Variants in MMP20 observed in about 807,000 individuals in gnomAD.
MMP20 encodes the protein matrix metalloproteinase-20.
In MMP20, 50 loss-of-function variants were observed where a neutral mutation model predicts 51.8. That is an observed-to-expected ratio of 0.97 (90% CI 0.77 to 1.22). MMP20 has a LOEUF of 1.22. Ranked by LOEUF, MMP20 falls within the 50% of genes most tolerant of loss-of-function variation. The pLI is 0.00. For missense variants in MMP20, 663 were observed against 601.4 expected, an observed-to-expected ratio of 1.10 and a Z score of -1.07; for synonymous variants, 244 against 216.2, an observed-to-expected ratio of 1.13 and a Z score of -1.13.
chr11:102,610,758 TG>T lies in MMP20; in HGVS notation c.524-729del, dbSNP rs201626595. 2.4e-3 allele frequency among the ~76,000 whole-genome samples: 363 copies of T among 150,670 alleles called. 2 individuals carry two copies. The highest frequency in any genetic ancestry group is 4.7e-3 in the African/African-American group (194 of 41,260). ...TTAGTAAGGATACCCAGTTTTAGTT[TG>T]TTTTTTTTTTTTAAAAAGCCGACAG... On this transcript the variant is annotated intron_variant, in intron 3 of 9. Transcript: ENST00000260228.
chr11:102,606,646 G>T lies in MMP20; in HGVS notation c.842C>A (p.Thr281Asn), dbSNP rs1784424. The T allele has an allele frequency of 0.45, 731,192 of 1,612,304 alleles. 168,687 individuals carry two copies. Among genetic ancestry groups the T allele is most frequent in the South Asian group, 0.58 (52,359 of 91,036 alleles). ...CTTGTGATGGGGGGCATGGGGCAGA[G>T]TGGGCTTCCCCAGGAATACTTTCCG... ...GPRKVFLGKP[T>N]LPHAPHHKPS... Residue 281 changes from threonine to asparagine, a missense_variant, in exon 6 of 10, where the codon ACT (threonine) becomes AAT (asparagine). Thr to Asn is a moderately conservative substitution (Grantham distance 65). Coordinates refer to ENST00000260228, the MANE Select transcript of MMP20 (RefSeq NM_004771.4).
intron 1 of MMP20, among the ~76,000 whole-genome samples, chr11:102,623,103 A>G (rs544209078): frequency 2.6e-5 from 4 of 152,294 alleles, no homozygotes; most frequent in African/African-American, 7.2e-5. Flanking sequence ...CATAAGGGAG[A>G]CAGAGAAGGG....
rs896907482 is a variant in MMP20 at position 102,606,289 on chromosome 11, C to T, written c.953+246G>A. Among the ~76,000 whole-genome samples the T allele has an allele frequency of 7.9e-5, 12 of 152,196 alleles. No individual in the cohort carries two copies. In the East Asian group the frequency reaches 2.1e-3, roughly 27 times the overall value. On this transcript the variant is annotated intron_variant, in intron 6 of 9. Transcript: ENST00000260228. The stretch of plus-strand genomic sequence containing the variant: ...CTAATCTCTACAGTGAAAAAGGTTA[C>T]AATAAATATTGTCCATATATGGACA...
chr11:102,616,691 T>G (rs1473825329), intron 2 of MMP20, 121 bp downstream of exon 2: 2 of 1,311,148 alleles, frequency 1.5e-6, no homozygotes, highest in East Asian at 4.9e-5. Context: ...AAGTTCTTAT[T>G]CTTATGGTTG....
intron 1 of MMP20, among the ~76,000 whole-genome samples, chr11:102,622,404 G>A (rs140410077): frequency 9.7e-4 from 148 of 152,246 alleles, no homozygotes; most frequent in African/African-American, 3.4e-3. Flanking sequence ...TGACCTCTGA[G>A]CTCTAGTCAC....
chr11:102,599,499 A>G (rs757285477), intron 6 of MMP20, among the ~76,000 whole-genome samples: 3 of 152,254 alleles, frequency 2.0e-5, no homozygotes, highest in Non-Finnish European at 4.4e-5. Context: ...TGAGAATAAT[A>G]TCTGCACAAA....
chr11:102,624,079 C>G (rs535608480), intron 1 of MMP20, among the ~76,000 whole-genome samples: 1 of 152,294 alleles, frequency 6.6e-6, no homozygotes, highest in East Asian at 1.9e-4. Flanking sequence ...ACTGGTATGG[C>G]CGGGGAACTG....
chr11:102,585,578 T>C (rs576490334), intron 8 of MMP20, among the ~76,000 whole-genome samples: 4 of 152,330 alleles, frequency 2.6e-5, no homozygotes, highest in African/African-American at 4.8e-5. Context: ...CTCTCCTATC[T>C]GGATAATTTT....
intron 8 of MMP20, among the ~76,000 whole-genome samples, chr11:102,581,719 A>C (rs987117433): frequency 6.6e-6 from 1 of 152,200 alleles, no homozygotes; most frequent in African/African-American, 2.4e-5. Context: ...CAGAGACACA[A>C]TGTTCAATGA....
Position 102,611,877 on chromosome 11 carries a change from C to T in MMP20, c.401G>A (p.Ser134Asn). ...YRISKYTPSM[S>N]SVEVDKAVEM... ...CACTGCTTTGTCCACCTCGACAGAA[C>T]TCATGGAAGGTGTGTATTTAGATAT... The change falls in exon 3 of 10, where the codon AGT (serine) becomes AAT (asparagine). Residue 134 changes from serine (S) to asparagine (N), a missense_variant. By Grantham distance (46) the Ser-to-Asn change is conservative. Coordinates refer to ENST00000260228, the MANE Select transcript of MMP20 (RefSeq NM_004771.4). The T allele has an allele frequency of 1.2e-6, 2 of 1,614,138 alleles. No individual in the cohort carries two copies. Among genetic ancestry groups the T allele is most frequent in the Non-Finnish European group, 1.7e-6 (2 of 1,179,966 alleles).
chr11:102,612,822 T>A (rs979727429), intron 2 of MMP20, among the ~76,000 whole-genome samples: 1 of 148,230 alleles, frequency 6.7e-6, no homozygotes, highest in Non-Finnish European at 1.5e-5. Flanking sequence ...CTGCAACCAC[T>A]GCCTCCCAGG....
intron 8 of MMP20, among the ~76,000 whole-genome samples, chr11:102,590,421 T>C (rs192706261): frequency 6.1e-4 from 93 of 152,282 alleles, no homozygotes; most frequent in African/African-American, 2.1e-3. Flanking sequence ...CCCCTATAAG[T>C]AACTACCACA....
chr11:102,615,885 C>A (rs1859663342), intron 2 of MMP20, among the ~76,000 whole-genome samples: 1 of 152,048 alleles, frequency 6.6e-6, no homozygotes, highest in African/African-American at 2.4e-5. Flanking sequence ...TGCATGAGGC[C>A]CACGCAGGCA....
At chr11:102,590,471 T>G (rs1469571646) in intron 8 of MMP20, among the ~76,000 whole-genome samples, 1 of 152,192 alleles carries the variant, frequency 6.6e-6, no homozygotes, top group African/African-American at 2.4e-5. Context: ...TAATCCAACC[T>G]GGCCCCAAGC....
At chr11:102,588,786 C>A (rs1859282168) in intron 8 of MMP20, among the ~76,000 whole-genome samples, 1 of 151,700 alleles carries the variant, frequency 6.6e-6, no homozygotes, top group South Asian at 2.1e-4. Flanking sequence ...CTGCAAGTAA[C>A]AAATTCTCTC....
intron 6 of MMP20, among the ~76,000 whole-genome samples, chr11:102,598,163 TCAGA>T (rs1229506009): frequency 2.0e-5 from 3 of 152,194 alleles, no homozygotes; most frequent in African/African-American, 7.2e-5. Context: ...AGTAACATAC[TCAGA>T]CAATTTGCAT....
At chr11:102,601,409 G>C (rs1172144899) in intron 6 of MMP20, among the ~76,000 whole-genome samples, 1 of 37,378 alleles carries the variant, frequency 2.7e-5, no homozygotes, top group African/African-American at 7.1e-5. Context: ...TGGGATTACA[G>C]GCGTGAGCCA....
chr11:102,583,212 C>T (rs1484888703), intron 8 of MMP20, among the ~76,000 whole-genome samples: 1 of 152,170 alleles, frequency 6.6e-6, no homozygotes, highest in Non-Finnish European at 1.5e-5. Context: ...GTCAGTCATC[C>T]AGACCTATGT....
chr11:102,624,115 A>G (rs1230444631), intron 1 of MMP20, among the ~76,000 whole-genome samples: 1 of 152,216 alleles, frequency 6.6e-6, no homozygotes, highest in African/African-American at 2.4e-5. Context: ...TGAGTGGCAG[A>G]AACAATCGGT....
Sources: allele counts gnomAD v4.1 joint callset (sites outside exome capture counted in the v4.1 genomes callset), GRCh38; gene constraint gnomAD v4.1.1; transcripts MANE v1.5; gene names NCBI Gene and HGNC (gene_info 2026-07-23, HGNC 2026-07-21).